The following XRCC4 variants were observed in gnomAD, a reference collection of about 807,000 sequenced individuals.
XRCC4 encodes X-ray repair cross complementing 4.
A neutral mutation model predicts 39.1 loss-of-function variants in XRCC4; 28 were observed. That is an observed-to-expected ratio of 0.72 (90% CI 0.53 to 0.98). The LOEUF (loss-of-function observed/expected upper bound fraction) is 0.98, where lower values mean the gene tolerates loss of function less well. Among genes scored for constraint, XRCC4 ranks in the 50% least tolerant of loss-of-function variants. XRCC4 has a pLI of 0.00. For missense variants in XRCC4, 350 were observed against 376.4 expected (o/e 0.93, Z 0.58); for synonymous variants, 123 against 126.4 (o/e 0.97, Z 0.18).
chr5:83,216,584 C>T (rs1226476105), intron 6 of XRCC4, among the ~76,000 whole-genome samples: 1 of 151,980 alleles, frequency 6.6e-6, no homozygotes, highest in Non-Finnish European at 1.5e-5. Context: ...TCTGGTGAAA[C>T]GTTAAATAAA....
intron 3 of XRCC4, among the ~76,000 whole-genome samples, chr5:83,142,220 C>T (rs1052929413): frequency 5.9e-5 from 9 of 152,084 alleles, no homozygotes; most frequent in African/African-American, 1.7e-4. Flanking sequence ...GTGTGCTGTA[C>T]GTGATACTCT....
intron 7 of XRCC4, among the ~76,000 whole-genome samples, chr5:83,261,351 A>G (rs1351688299): frequency 6.6e-6 from 1 of 152,070 alleles, no homozygotes. Context: ...ATAAACATCA[A>G]TTAGGTCATG....
At chr5:83,142,539 G>T (rs573646200) in intron 3 of XRCC4, among the ~76,000 whole-genome samples, 6 of 152,254 alleles carry the variant, frequency 3.9e-5, no homozygotes, top group Non-Finnish European at 8.8e-5. Context: ...GATATTCCAG[G>T]TATAAAATTG....
intron 6 of XRCC4, among the ~76,000 whole-genome samples, chr5:83,254,081 G>GT (rs80017147): frequency 0.028 from 3,345 of 117,624 alleles, 79 homozygotes; most frequent in East Asian, 0.083. Flanking sequence ...ATCGTTTTTT[G>GT]TTTTTTTTTT....
chr5:83,221,138 C>A lies in XRCC4; in HGVS notation c.745+16217C>A, dbSNP rs570462640. ...CTGCTGCTGTACTAGTATTCTAATT[C>A]TCCTACTAACAATTATTGTTACTAC... is the stretch of plus-strand genomic sequence containing the variant. On this transcript the variant is annotated intron_variant, in intron 6 of 7. Coordinates refer to ENST00000396027, the MANE Select transcript of XRCC4 (RefSeq NM_003401.5). 4.6e-5 allele frequency among the ~76,000 whole-genome samples: 7 copies of A among 152,234 alleles called. No individual in the cohort carries two copies. In the South Asian group the frequency reaches 1.5e-3, roughly 32 times the overall value.
chr5:83,210,966 CT>C (rs1006342433), intron 6 of XRCC4, among the ~76,000 whole-genome samples: 2 of 152,140 alleles, frequency 1.3e-5, no homozygotes, highest in African/African-American at 4.8e-5. Context: ...ATCTCTACAT[CT>C]TTATATGTTT....
intron 3 of XRCC4, among the ~76,000 whole-genome samples, chr5:83,178,894 A>C (rs879388011): frequency 3.3e-5 from 5 of 152,144 alleles, no homozygotes; most frequent in Non-Finnish European, 7.3e-5. Flanking sequence ...TCCAATGTGT[A>C]ACATTCACTG....
intron 3 of XRCC4, among the ~76,000 whole-genome samples, chr5:83,160,226 T>C (rs1749140943): frequency 6.6e-6 from 1 of 152,166 alleles, no homozygotes; most frequent in South Asian, 2.1e-4. Flanking sequence ...GATAAACCAT[T>C]TGAATTATAT....
intron 1 of XRCC4, among the ~76,000 whole-genome samples, chr5:83,097,479 G>A (rs1745733385): frequency 6.6e-6 from 1 of 151,688 alleles, no homozygotes. Flanking sequence ...GGGGAAAAAA[G>A]TACATTGTTT....
chr5:83,306,357 T>G (rs1454096490), intron 7 of XRCC4, among the ~76,000 whole-genome samples: 3 of 152,182 alleles, frequency 2.0e-5, no homozygotes, highest in Non-Finnish European at 4.4e-5. Flanking sequence ...TATGTTCATC[T>G]CACTTCAAAT....
intron 3 of XRCC4, among the ~76,000 whole-genome samples, chr5:83,176,819 G>A (rs967011135): frequency 1.5e-4 from 23 of 151,800 alleles, no homozygotes; most frequent in Admixed American, 1.4e-3. Flanking sequence ...TTGGGGTTTC[G>A]CCATGTTGGC....
chr5:83,086,042 A>G (rs1561314675), intron 1 of XRCC4, among the ~76,000 whole-genome samples: 1 of 152,230 alleles, frequency 6.6e-6, no homozygotes, highest in Non-Finnish European at 1.5e-5. Context: ...TCCTAAAACA[A>G]TCTTAAGAAC....
intron 6 of XRCC4, among the ~76,000 whole-genome samples, chr5:83,232,051 C>G (rs1032494880): frequency 6.6e-6 from 1 of 151,968 alleles, no homozygotes; most frequent in Non-Finnish European, 1.5e-5. Context: ...TGGACATTAC[C>G]CCCAAGAAAA....
At chr5:83,253,393 T>C (rs1753402263) in intron 6 of XRCC4, among the ~76,000 whole-genome samples, 1 of 152,166 alleles carries the variant, frequency 6.6e-6, no homozygotes, top group Admixed American at 6.5e-5. Flanking sequence ...TACACATTTT[T>C]TTTTTTCATG....
chr5:83,177,936 C>A (rs1750032829), intron 3 of XRCC4, among the ~76,000 whole-genome samples: 1 of 152,014 alleles, frequency 6.6e-6, no homozygotes, highest in Non-Finnish European at 1.5e-5. Context: ...GTCAGAGAGC[C>A]TAGTTGGAAG....
chr5:83,313,911 A>C (rs1295889038), intron 7 of XRCC4, among the ~76,000 whole-genome samples: 1 of 145,400 alleles, frequency 6.9e-6, no homozygotes, highest in Non-Finnish European at 1.5e-5. Flanking sequence ...TTAAAATATA[A>C]GTTTTATAAA....
intron 6 of XRCC4, among the ~76,000 whole-genome samples, chr5:83,208,263 AC>A (rs1451668934): frequency 6.6e-6 from 1 of 152,012 alleles, no homozygotes; most frequent in Non-Finnish European, 1.5e-5. Flanking sequence ...ATACAATCAT[AC>A]TTTTGTAAAT....
chr5:83,164,803 AG>A (rs1749382687), intron 3 of XRCC4, among the ~76,000 whole-genome samples: 1 of 152,136 alleles, frequency 6.6e-6, no homozygotes, highest in African/African-American at 2.4e-5. Context: ...AGATTAAGTA[AG>A]GGTACATCTG....
intron 7 of XRCC4, among the ~76,000 whole-genome samples, chr5:83,291,305 A>T (rs945478656): frequency 6.6e-6 from 1 of 151,840 alleles, no homozygotes; most frequent in Admixed American, 6.6e-5. Context: ...GGAATACTAC[A>T]CTAGGTAATT....
Sources: allele counts gnomAD v4.1 joint callset (sites outside exome capture counted in the v4.1 genomes callset), GRCh38; gene constraint gnomAD v4.1.1; transcripts MANE v1.5; gene names NCBI Gene and HGNC (gene_info 2026-07-23, HGNC 2026-07-21).